PCDH7: variants seen among roughly 807,000 people sequenced by gnomAD.
PCDH7 encodes the protein protocadherin-7.
In PCDH7, 17 loss-of-function variants were observed where a neutral mutation model predicts 58.9. The ratio of observed to expected loss-of-function variants is 0.29; its 90% CI spans 0.20 to 0.43. The LOEUF is 0.43. Ranked by LOEUF, PCDH7 falls within the 20% of genes least tolerant of loss-of-function variation. The pLI is 1.00. For synonymous variants in PCDH7, 664 were observed against 616.4 expected, an observed-to-expected ratio of 1.08 and a Z score of -1.14; for missense variants, 1,274 against 1,441.0, an observed-to-expected ratio of 0.88 and a Z score of 1.88.
chr4:30,934,294 C>G (rs1000881886), intron 2 of PCDH7, among the ~76,000 whole-genome samples: 2 of 152,150 alleles, frequency 1.3e-5, no homozygotes, highest in African/African-American at 4.8e-5. Flanking sequence ...CTGTCAATTG[C>G]TCATGGGTTT....
At chr4:30,814,389 A>T (rs1354855384) in intron 1 of PCDH7, among the ~76,000 whole-genome samples, 1 of 152,062 alleles carries the variant, frequency 6.6e-6, no homozygotes, top group Non-Finnish European at 1.5e-5. Context: ...TCGTCATATG[A>T]ATTTCTATTA....
At chr4:31,033,357 T>C (rs969024152) in intron 3 of PCDH7, among the ~76,000 whole-genome samples, 1 of 152,208 alleles carries the variant, frequency 6.6e-6, no homozygotes, top group Non-Finnish European at 1.5e-5. Flanking sequence ...CAGGAAAAGA[T>C]AGTAAAATTA....
intron 1 of PCDH7, among the ~76,000 whole-genome samples, chr4:30,917,417 A>G (rs1454778980): frequency 6.6e-6 from 1 of 152,156 alleles, no homozygotes; most frequent in African/African-American, 2.4e-5. Flanking sequence ...ATACCATACT[A>G]TAGCATTCTA....
intron 1 of PCDH7, among the ~76,000 whole-genome samples, chr4:30,816,404 T>C (rs1335884806): frequency 6.6e-6 from 1 of 152,184 alleles, no homozygotes; most frequent in African/African-American, 2.4e-5. Context: ...AAAGGTGCAA[T>C]TTGAAACACA....
At chr4:30,805,422 A>C (rs540478576) in intron 1 of PCDH7, among the ~76,000 whole-genome samples, 1 of 152,358 alleles carries the variant, frequency 6.6e-6, no homozygotes, top group Admixed American at 6.5e-5. Flanking sequence ...TAATACTAAG[A>C]ACTACTTCAT....
chr4:31,119,500 G>C (rs568534377), intron 3 of PCDH7, among the ~76,000 whole-genome samples: 32 of 149,638 alleles, frequency 2.1e-4, no homozygotes, highest in Non-Finnish European at 3.4e-4. Flanking sequence ...GCATAAGGCA[G>C]AAGAAGTGAC....
chr4:30,947,625 A>C (rs1376729175), intron 2 of PCDH7, among the ~76,000 whole-genome samples: 1 of 152,198 alleles, frequency 6.6e-6, no homozygotes, highest in Non-Finnish European at 1.5e-5. Context: ...GATTCAATGC[A>C]TATAGTATAT....
chr4:30,920,098 T>C (rs887206370), intron 1 of PCDH7, 55 bp from the exon 2 acceptor site: 2 of 1,271,784 alleles, frequency 1.6e-6, no homozygotes, highest in African/African-American at 3.1e-5. Context: ...TTTTTTAAAA[T>C]AAGATCATTT....
At chr4:31,052,074 T>G (rs9291559) in intron 3 of PCDH7, among the ~76,000 whole-genome samples, 95,637 of 151,430 alleles carry the variant, frequency 0.63, 32,671 homozygotes, top group African/African-American at 0.9. Flanking sequence ...AAGGCTAATA[T>G]TGCTCTGTGG....
At chr4:31,110,831 T>C (rs967101087) in intron 3 of PCDH7, among the ~76,000 whole-genome samples, 3 of 151,322 alleles carry the variant, frequency 2.0e-5, no homozygotes, top group Non-Finnish European at 2.9e-5. Flanking sequence ...AGGAGAATGG[T>C]GTGAACCTGG....
chr4:31,075,137 A>T (rs1378637999), intron 3 of PCDH7, among the ~76,000 whole-genome samples: 2 of 151,976 alleles, frequency 1.3e-5, no homozygotes, highest in African/African-American at 2.4e-5. Context: ...CCCCTTTGTA[A>T]CATGTTGCCT....
intron 3 of PCDH7, among the ~76,000 whole-genome samples, chr4:31,090,713 G>A (rs186223666): frequency 6.6e-6 from 1 of 151,896 alleles, no homozygotes; most frequent in Non-Finnish European, 1.5e-5. Context: ...CATATATTTT[G>A]ATCATTGTTT....
At chr4:30,793,152 T>A (rs1210346141) in intron 1 of PCDH7, among the ~76,000 whole-genome samples, 1 of 152,074 alleles carries the variant, frequency 6.6e-6, no homozygotes, top group Non-Finnish European at 1.5e-5. Flanking sequence ...TTTGTGAAAA[T>A]GTTTATGAGG....
chr4:30,794,403 T>G (rs1298001880), intron 1 of PCDH7, among the ~76,000 whole-genome samples: 1 of 152,232 alleles, frequency 6.6e-6, no homozygotes, highest in African/African-American at 2.4e-5. Flanking sequence ...TCCTTTGAAT[T>G]TGTATAATAC....
intron 3 of PCDH7, among the ~76,000 whole-genome samples, chr4:31,063,627 T>A (rs866541224): frequency 9.2e-5 from 14 of 152,042 alleles, no homozygotes; most frequent in Middle Eastern, 3.4e-3. Flanking sequence ...GTAGCAATGC[T>A]GTCAGTCAAA....
chr4:30,785,027 A>T (rs577679903), intron 1 of PCDH7, among the ~76,000 whole-genome samples: 1 of 152,152 alleles, frequency 6.6e-6, no homozygotes, highest in African/African-American at 2.4e-5. Flanking sequence ...GCAACCAAAC[A>T]TGTACCAAAA....
intron 3 of PCDH7, among the ~76,000 whole-genome samples, chr4:30,952,841 T>A (rs1352723013): frequency 6.6e-6 from 1 of 152,156 alleles, no homozygotes; most frequent in Non-Finnish European, 1.5e-5. Context: ...AAAATAGTTG[T>A]GCCTAGAGAA....
chr4:31,132,225 A>G (rs1352773427), intron 3 of PCDH7, among the ~76,000 whole-genome samples: 2 of 152,144 alleles, frequency 1.3e-5, no homozygotes. Flanking sequence ...ATCATGGTTT[A>G]TATGGAAGAA....
In PCDH7 at chr4:31,094,957, T is replaced by C. The variant is rs533455968; in HGVS notation, c.*8-47516T>C. ...AGACAAGGTTCTTCGGTTTAAATAT[T>C]GATGGCCCAACTGGTAATCTTTTTA... On this transcript the variant is annotated intron_variant, in intron 3 of 3. Transcript: ENST00000509759. Among the ~76,000 whole-genome samples, 39 of 152,304 alleles carry C rather than the reference T, an allele frequency of 2.6e-4. 1 individual carries two copies. Among genetic ancestry groups the C allele is most frequent in the Non-Finnish European group, 5.1e-4 (35 of 68,026 alleles).
Sources: gnomAD v4.1 joint callset for allele counts (sites outside exome capture counted in the v4.1 genomes callset) on GRCh38, gnomAD v4.1.1 for gene constraint, MANE v1.5 for transcripts, NCBI Gene and HGNC (gene_info 2026-07-23, HGNC 2026-07-21) for gene names.